RASSF9: variants seen among roughly 807,000 people sequenced by gnomAD.
The protein encoded by RASSF9 is ras association domain-containing protein 9.
A neutral mutation model predicts 21.4 loss-of-function variants in RASSF9; 18 were observed. The ratio of observed to expected loss-of-function variants is 0.84; its 90% CI spans 0.58 to 1.25. RASSF9 has a LOEUF of 1.25. Among genes scored for constraint, RASSF9 ranks in the 50% most tolerant of loss-of-function variants. The probability of loss-of-function intolerance (pLI) is 0.00; values close to 1 mark genes in which losing one functional copy is unlikely to be tolerated. For synonymous variants in RASSF9, 183 were observed against 179.1 expected (o/e 1.02, Z -0.18); for missense variants, 480 against 503.2 (o/e 0.95, Z 0.44).
chr12:85,805,631 G>T lies in RASSF9; in HGVS notation c.379C>A (p.Arg127=). 1.9e-6 allele frequency: 3 copies of T among 1,613,882 alleles called. No individual in the cohort carries two copies. The highest frequency in any genetic ancestry group is 2.5e-6 in the Non-Finnish European group (3 of 1,179,878). Residue 127 remains arginine, a synonymous_variant, in exon 2 of 2, where the codon CGG becomes AGG. Transcript: ENST00000361228. ...ADAFLPVPLW[R]TAEAKLVQNT... is the part of the protein sequence containing the mutation. ...TGCACTAATTTGGCTTCAGCTGTCCGCCACAAAGGAACTGGAAGAAAAGCA... is the reference window on the plus strand; with the variant it reads ...TGCACTAATTTGGCTTCAGCTGTCCTCCACAAAGGAACTGGAAGAAAAGCA...
chr12:85,818,474 A>G (rs11615056), intron 1 of RASSF9, among the ~76,000 whole-genome samples: 27,403 of 152,182 alleles, frequency 0.18, 2,714 homozygotes, highest in African/African-American at 0.23. Context: ...ATAATATCTG[A>G]GTTCGATTTG....
Position 85,800,719 on chromosome 12 carries a change from C to T in RASSF9, c.*3983G>A, listed in dbSNP as rs1161723737. On this transcript the variant is annotated 3_prime_UTR_variant, in exon 2 of 2. Coordinates refer to ENST00000361228, the MANE Select transcript of RASSF9 (RefSeq NM_005447.4). ...TATCACAAGAAAGGTATAATTATTTCTTTTATTATTTTGGATCAGTTACAA... is the reference window on the plus strand; with the variant it reads ...TATCACAAGAAAGGTATAATTATTTTTTTTATTATTTTGGATCAGTTACAA... The T allele has an allele frequency of 6.7e-6, 1 of 149,760 alleles. No individual in the cohort carries two copies. Among genetic ancestry groups the T allele is most frequent in the Admixed American group, 6.7e-5 (1 of 14,974 alleles). 9.3% of individuals were successfully genotyped at this position (149,760 alleles called of 1,614,324 possible).
chr12:85,802,837 TAGTC>T lies in RASSF9; in HGVS notation c.*1861_*1864del, dbSNP rs1862636587. 1 of 152,186 alleles carries T rather than the reference TAGTC, an allele frequency of 6.6e-6. No homozygotes were observed. Among genetic ancestry groups the T allele is most frequent in the Admixed American group, 6.5e-5 (1 of 15,282 alleles). The allele number at this position is 152,186 out of a possible 1,614,324, so 9.4% of individuals were successfully genotyped here. On this transcript the variant is annotated 3_prime_UTR_variant, in exon 2 of 2. Coordinates refer to ENST00000361228, the MANE Select transcript of RASSF9 (RefSeq NM_005447.4). ...ATTGTTGAATAATTTTATGGACTCT[TAGTC>T]AGGTGAACTTTCCTTTCACAGATGA... is the stretch of plus-strand genomic sequence containing the variant.
intron 1 of RASSF9, among the ~76,000 whole-genome samples, chr12:85,824,508 G>A (rs866009990): frequency 2.6e-5 from 4 of 151,986 alleles, no homozygotes; most frequent in African/African-American, 7.3e-5. Context: ...TTTGTGCCCC[G>A]TAATCTTACC....
At chr12:85,826,348 C>T (rs1880332234) in intron 1 of RASSF9, among the ~76,000 whole-genome samples, 1 of 152,032 alleles carries the variant, frequency 6.6e-6, no homozygotes, top group Non-Finnish European at 1.5e-5. Flanking sequence ...AATTCCGCCT[C>T]CATGGTGACT....
At chr12:85,836,056 C>A (rs1880554909) in intron 1 of RASSF9, 99 bp downstream of exon 1, 19 of 1,538,760 alleles carry the variant, frequency 1.2e-5, no homozygotes, top group African/African-American at 5.5e-5. Context: ...ATCTAACAAC[C>A]ACAAAACACA....
chr12:85,812,213 T>C (rs562211780), intron 1 of RASSF9, among the ~76,000 whole-genome samples: 4 of 151,864 alleles, frequency 2.6e-5, no homozygotes, highest in African/African-American at 7.2e-5. Flanking sequence ...TAGTATACAT[T>C]TATGAAATTT....
chr12:85,824,708 T>G (rs1592532687), intron 1 of RASSF9, among the ~76,000 whole-genome samples: 1 of 152,304 alleles, frequency 6.6e-6, no homozygotes, highest in Non-Finnish European at 1.5e-5. Flanking sequence ...ATATACACAT[T>G]GAGTTAGCCA....
chr12:85,808,417 T>C (rs1879881822), intron 1 of RASSF9, among the ~76,000 whole-genome samples: 1 of 152,122 alleles, frequency 6.6e-6, no homozygotes, highest in Non-Finnish European at 1.5e-5. Flanking sequence ...CTGAGTATTA[T>C]ATTTTGAAGT....
chr12:85,836,253 G>C lies in RASSF9; in HGVS notation c.-52C>G. ...ATTATCTTAAAGTGATCTGAGGGTG[G>C]GGGTGGGGGTGTCTGGATTTCCAGG... On this transcript the variant is annotated 5_prime_UTR_variant, in exon 1 of 2. Coordinates refer to ENST00000361228, the MANE Select transcript of RASSF9 (RefSeq NM_005447.4). 2.7e-6 allele frequency: 4 copies of C among 1,490,684 alleles called. No homozygotes were observed. Among genetic ancestry groups the C allele is most frequent in the Non-Finnish European group, 3.7e-6 (4 of 1,094,498 alleles). The allele number at this position is 1,490,684 out of a possible 1,614,324, so 92.3% of individuals were successfully genotyped here. A position where few individuals can be genotyped will look rare whatever the true frequency, so the allele number is the denominator to read the frequency against.
chr12:85,818,956 CAA>C (rs60760019), intron 1 of RASSF9, among the ~76,000 whole-genome samples: 6,938 of 66,234 alleles, frequency 0.1, 149 homozygotes, highest in Middle Eastern at 0.2. Flanking sequence ...GAGACTCCGT[CAA>C]AAAAAAAAAA....
intron 1 of RASSF9, among the ~76,000 whole-genome samples, chr12:85,821,080 G>A (rs1021417938): frequency 7.9e-5 from 12 of 151,894 alleles, no homozygotes; most frequent in South Asian, 2.1e-4. Context: ...GGAGGTAGAC[G>A]TTGCAGTGAG....
intron 1 of RASSF9, among the ~76,000 whole-genome samples, chr12:85,811,952 A>T (rs1879963533): frequency 6.6e-6 from 1 of 151,800 alleles, no homozygotes; most frequent in East Asian, 1.9e-4. Context: ...AATGAAATAT[A>T]TGTTCAAAAT....
intron 1 of RASSF9, among the ~76,000 whole-genome samples, chr12:85,816,493 C>T (rs377596473): frequency 1.3e-4 from 20 of 152,008 alleles, no homozygotes; most frequent in Middle Eastern, 6.8e-3. Flanking sequence ...ACATAATACA[C>T]GTAATTCCCT....
intron 1 of RASSF9, among the ~76,000 whole-genome samples, chr12:85,831,824 T>C (rs1880457416): frequency 2.0e-5 from 3 of 151,974 alleles, no homozygotes; most frequent in African/African-American, 7.2e-5. Context: ...TAATTCTTTC[T>C]TCCGATGAAG....
At chr12:85,818,687 G>C (rs868054276) in intron 1 of RASSF9, among the ~76,000 whole-genome samples, 2 of 152,138 alleles carry the variant, frequency 1.3e-5, no homozygotes, top group Non-Finnish European at 2.9e-5. Flanking sequence ...CTTGCCGGGC[G>C]TGGTGGCTCA....
At chr12:85,806,549 T>A (rs1456130922) in intron 1 of RASSF9, among the ~76,000 whole-genome samples, 1 of 151,076 alleles carries the variant, frequency 6.6e-6, no homozygotes, top group Non-Finnish European at 1.5e-5. Context: ...GATGGACACC[T>A]GTAATTCCAG....
At chr12:85,834,312 G>A (rs1188372473) in intron 1 of RASSF9, among the ~76,000 whole-genome samples, 1 of 152,026 alleles carries the variant, frequency 6.6e-6, no homozygotes, top group Non-Finnish European at 1.5e-5. Context: ...ATCTTCAGGA[G>A]CCATTCCATT....
At chr12:85,818,106 T>C (rs1592530313) in intron 1 of RASSF9, among the ~76,000 whole-genome samples, 1 of 152,194 alleles carries the variant, frequency 6.6e-6, no homozygotes, top group South Asian at 2.1e-4. Flanking sequence ...GCACAGCTAC[T>C]TAAAAAATAG....
Sources: gnomAD v4.1 joint callset for allele counts (sites outside exome capture counted in the v4.1 genomes callset) on GRCh38, gnomAD v4.1.1 for gene constraint, MANE v1.5 for transcripts, NCBI Gene and HGNC (gene_info 2026-07-23, HGNC 2026-07-21) for gene names.